The following LARGE1 variants were observed in gnomAD, a reference collection of about 807,000 sequenced individuals.
LARGE1 encodes the protein xylosyl- and glucuronyltransferase LARGE1.
A neutral mutation model predicts 87.6 loss-of-function variants in LARGE1; 43 were observed. The ratio of observed to expected loss-of-function variants is 0.49; its 90% confidence interval spans 0.38 to 0.63. LARGE1 has a LOEUF of 0.63. Ranked by LOEUF, LARGE1 falls within the 30% of genes least tolerant of loss-of-function variation. The pLI, the probability that LARGE1 is intolerant of heterozygous loss-of-function variation, is 0.00. For missense variants in LARGE1, 802 were observed against 1,000.2 expected, an observed-to-expected ratio of 0.80 and a Z score of 2.67; for synonymous variants, 434 against 394.6, an observed-to-expected ratio of 1.10 and a Z score of -1.18.
intron 3 of LARGE1, among the ~76,000 whole-genome samples, chr22:33,637,863 T>A (rs1423568510): frequency 1.3e-5 from 2 of 152,202 alleles, no homozygotes; most frequent in Admixed American, 6.5e-5. Flanking sequence ...TAATAAATGC[T>A]TGACATTTTA....
At chr22:33,243,082 A>C (rs1031185207) in intron 11 of LARGE1, among the ~76,000 whole-genome samples, 3 of 152,156 alleles carry the variant, frequency 2.0e-5, no homozygotes, top group Non-Finnish European at 2.9e-5. Flanking sequence ...CAATGACTCC[A>C]TTTACAAATA....
In LARGE1 at chr22:33,355,231, T is replaced by G. The variant is rs551287094; in HGVS notation, c.1132-17430A>C. Among the ~76,000 whole-genome samples, 6 of 152,340 alleles carry G rather than the reference T, an allele frequency of 3.9e-5. No homozygotes were observed. In the South Asian group the frequency reaches 1.2e-3, roughly 32 times the overall value. On this transcript the variant is annotated intron_variant, in intron 9 of 14. Coordinates refer to ENST00000397394, the MANE Select transcript of LARGE1 (RefSeq NM_133642.5). ...ATCCCTTTTTATGTAGCACCTTCAT[T>G]TCTGACCTGGATACCTCTAAGCAAT... is the stretch of plus-strand genomic sequence containing the variant.
intron 1 of LARGE1, among the ~76,000 whole-genome samples, chr22:33,812,102 G>A (rs1481193978): frequency 2.6e-5 from 4 of 152,216 alleles, no homozygotes; most frequent in Non-Finnish European, 4.4e-5. Flanking sequence ...GTTCAACCCA[G>A]GTGGCAAATG....
intron 2 of LARGE1, among the ~76,000 whole-genome samples, chr22:33,759,852 C>A (rs758300519): frequency 6.6e-6 from 1 of 152,138 alleles, no homozygotes; most frequent in Non-Finnish European, 1.5e-5. Context: ...CCATCCACTG[C>A]CATGGCATAA....
intron 2 of LARGE1, among the ~76,000 whole-genome samples, chr22:33,754,429 A>C (rs2084433149): frequency 6.6e-6 from 1 of 150,746 alleles, no homozygotes; most frequent in South Asian, 2.1e-4. Flanking sequence ...TCCGCCCCCC[A>C]GGTTCATGCC....
At chr22:33,330,488 A>G (rs975532579) in intron 10 of LARGE1, among the ~76,000 whole-genome samples, 5 of 152,058 alleles carry the variant, frequency 3.3e-5, no homozygotes, top group African/African-American at 7.2e-5. Context: ...GCACCCTGCC[A>G]TTTCTTGGAT....
chr22:33,100,974 T>C, the LARGE1 span, among the ~76,000 whole-genome samples: 2 of 151,562 alleles, frequency 1.3e-5, no homozygotes, highest in South Asian at 4.2e-4. Context: ...GCCTCCCGAG[T>C]AGCTGGGATT....
intron 2 of LARGE1, among the ~76,000 whole-genome samples, chr22:33,712,219 A>T (rs111484160): frequency 6.6e-6 from 1 of 151,122 alleles, no homozygotes; most frequent in East Asian, 1.9e-4. Context: ...GGGATGGGGG[A>T]AAAAAAAAGG....
intron 6 of LARGE1, among the ~76,000 whole-genome samples, chr22:33,531,221 G>A (rs950207097): frequency 6.6e-6 from 1 of 152,146 alleles, no homozygotes; most frequent in Admixed American, 6.6e-5. Flanking sequence ...GCAATGGCGC[G>A]ATCTCGGCTC....
intron 2 of LARGE1, among the ~76,000 whole-genome samples, chr22:33,697,002 T>A (rs910767989): frequency 6.6e-6 from 1 of 152,074 alleles, no homozygotes; most frequent in African/African-American, 2.4e-5. Context: ...AAAGCCACAT[T>A]AGACATTTTC....
At chr22:33,090,606 A>G in the LARGE1 span, among the ~76,000 whole-genome samples, 17 of 152,354 alleles carry the variant, frequency 1.1e-4, 1 homozygote, top group South Asian at 3.5e-3. Context: ...GTGGAGTGAT[A>G]GCAATGGGGC....
intron 10 of LARGE1, among the ~76,000 whole-genome samples, chr22:33,332,770 GC>G (rs1403826973): frequency 6.6e-6 from 1 of 152,182 alleles, no homozygotes; most frequent in Non-Finnish European, 1.5e-5. Context: ...GTTCAGGAGT[GC>G]AATGTTTACA....
intron 4 of LARGE1, among the ~76,000 whole-genome samples, chr22:33,617,867 G>A (rs1401724835): frequency 6.6e-6 from 1 of 152,168 alleles, no homozygotes; most frequent in Non-Finnish European, 1.5e-5. Context: ...CTTGTTCCAG[G>A]CTGAGATGCA....
chr22:33,444,098 G>C (rs1197017944), intron 6 of LARGE1, among the ~76,000 whole-genome samples: 1 of 152,350 alleles, frequency 6.6e-6, no homozygotes, highest in African/African-American at 2.4e-5. Context: ...GCTGCAAAGC[G>C]GGGTTGTAGA....
At chr22:33,392,767 C>T (rs780573068) in intron 7 of LARGE1, among the ~76,000 whole-genome samples, 7 of 152,160 alleles carry the variant, frequency 4.6e-5, no homozygotes, top group Non-Finnish European at 1.0e-4. Context: ...TCCACCAGTG[C>T]TGTAGTGGGA....
intron 1 of LARGE1, among the ~76,000 whole-genome samples, chr22:33,904,939 T>C (rs2065396684): frequency 6.8e-6 from 1 of 147,720 alleles, no homozygotes; most frequent in South Asian, 2.2e-4. Flanking sequence ...TTAAATTTTA[T>C]GGAAAAAAAT....
chr22:33,476,257 T>C (rs773151089), intron 6 of LARGE1, among the ~76,000 whole-genome samples: 3 of 152,228 alleles, frequency 2.0e-5, no homozygotes, highest in Non-Finnish European at 4.4e-5. Context: ...GCCCTATTTA[T>C]GTAAAAATGC....
chr22:33,904,793 G>A (rs540627321), intron 1 of LARGE1, among the ~76,000 whole-genome samples: 6 of 152,220 alleles, frequency 3.9e-5, no homozygotes, highest in African/African-American at 1.4e-4. Flanking sequence ...TGGCATACAC[G>A]ATCACATGAC....
intron 6 of LARGE1, among the ~76,000 whole-genome samples, chr22:33,501,634 C>T (rs775644663): frequency 2.6e-5 from 4 of 152,194 alleles, no homozygotes; most frequent in Non-Finnish European, 2.9e-5. Context: ...CTGCTTACCA[C>T]CTGGCTGTCC....
Sources: gnomAD v4.1 joint callset for allele counts (sites outside exome capture counted in the v4.1 genomes callset) on GRCh38, gnomAD v4.1.1 for gene constraint, MANE v1.5 for transcripts, NCBI Gene and HGNC (gene_info 2026-07-23, HGNC 2026-07-21) for gene names.